Variants in KIRREL3 observed in about 807,000 individuals in gnomAD.
KIRREL3 encodes kirre like nephrin family adhesion molecule 3.
A neutral mutation model predicts 89.7 loss-of-function variants in KIRREL3; 36 were observed. The ratio of observed to expected loss-of-function variants is 0.40; its 90% CI spans 0.31 to 0.53. The LOEUF (loss-of-function observed/expected upper bound fraction) is 0.53. Among genes scored for constraint, KIRREL3 ranks in the 20% least tolerant of loss-of-function variants. The probability of loss-of-function intolerance (pLI) is 0.49; values close to 1 mark genes in which losing one functional copy is unlikely to be tolerated. For missense variants in KIRREL3, 864 were observed against 1,056.6 expected (o/e 0.82, Z 2.53); for synonymous variants, 445 against 441.4 (o/e 1.01, Z -0.10).
At position 126,768,059 on chromosome 11, in the gene KIRREL3, T is replaced by A. The variant is rs1284933794; in HGVS notation, c.56-205147A>T. Among the ~76,000 whole-genome samples the A allele has an allele frequency of 1.3e-5, 2 of 152,202 alleles. No individual in the cohort carries two copies. Among genetic ancestry groups the A allele is most frequent in the African/African-American group, 4.8e-5 (2 of 41,448 alleles). On this transcript the variant is annotated intron_variant, in intron 1 of 16. Transcript: ENST00000525144. The surrounding 1 kb of genome is among the most constrained non-coding windows in gnomAD (Gnocchi z 4.5). ...TCTCTCCATCCTCAAAATTTTATGA[T>A]TCCTCTTATCAGCCATTTCTGGCAA...
In KIRREL3 at chr11:126,682,381, C is replaced by T; in HGVS notation, c.56-119469G>A. ...TCTGCAAAATGAGGATGATAATATC[C>T]TCCTCCCAGTGTTGCTGGGAGGATG... On this transcript the variant is annotated intron_variant, in intron 1 of 16. Transcript: ENST00000525144. This position sits in a 1 kb window ranked among gnomAD's most constrained non-coding sequence, Gnocchi z 4.8. 6.6e-6 allele frequency among the ~76,000 whole-genome samples: 1 copy of T among 152,124 alleles called. No individual in the cohort carries two copies. Among genetic ancestry groups the T allele is most frequent in the East Asian group, 1.9e-4 (1 of 5,182 alleles).
Position 126,485,318 on chromosome 11 carries a change from C to T in KIRREL3, c.434-11852G>A, listed in dbSNP as rs550895835. Among the ~76,000 whole-genome samples, 6 of 152,242 alleles carry T rather than the reference C, an allele frequency of 3.9e-5. No homozygotes were observed. Among genetic ancestry groups the T allele is most frequent in the African/African-American group, 1.4e-4 (6 of 41,538 alleles). ...CTCCTAACCTGGGGGTGGGGGGAACCCTGAACTAGCTGACTTCAGAGGTCC... is the reference window on the plus strand; with the variant it reads ...CTCCTAACCTGGGGGTGGGGGGAACTCTGAACTAGCTGACTTCAGAGGTCC... On this transcript the variant is annotated intron_variant, in intron 4 of 16. Transcript: ENST00000525144. The surrounding 1 kb of genome is among the most constrained non-coding windows in gnomAD (Gnocchi z 5.8).
At chr11:126,580,840 T>TG (rs1941508716) in intron 1 of KIRREL3, among the ~76,000 whole-genome samples, 1 of 151,420 alleles carries the variant, frequency 6.6e-6, no homozygotes, top group Non-Finnish European at 1.5e-5. Context: ...TTTCCTGTTT[T>TG]TTTTTTTTTT....
At chr11:126,446,537 G>A (rs920675958) in intron 9 of KIRREL3, among the ~76,000 whole-genome samples, 13 of 152,190 alleles carry the variant, frequency 8.5e-5, no homozygotes, top group African/African-American at 2.2e-4. Flanking sequence ...GTAAGGTTTA[G>A]GACAGGGCAA....
chr11:126,584,275 G>A (rs1241731927), intron 1 of KIRREL3, among the ~76,000 whole-genome samples: 1 of 152,208 alleles, frequency 6.6e-6, no homozygotes, highest in Non-Finnish European at 1.5e-5. Flanking sequence ...GAATTAGGGC[G>A]TTGGCGTTCC....
In KIRREL3 at chr11:126,457,193, G is replaced by GTGTGTGTGTGTGTGTA. The variant is rs1956375454; in HGVS notation, c.743-740_743-739insTACACACACACACACA. 1.6e-4 allele frequency among the ~76,000 whole-genome samples: 24 copies of GTGTGTGTGTGTGTGTA among 149,058 alleles called. No individual in the cohort carries two copies. In the South Asian group the frequency reaches 4.8e-3, roughly 30 times the overall value. ...ATAGAGGAAGAGAGATTATGTGTGT[G>GTGTGTGTGTGTGTGTA]TGTGTGTGTGTGTGTGTATGTGTAT... On this transcript the variant is annotated intron_variant, in intron 6 of 16. Transcript: ENST00000525144.
At chr11:126,949,291 T>C (rs1291565037) in intron 1 of KIRREL3, among the ~76,000 whole-genome samples, 8 of 152,144 alleles carry the variant, frequency 5.3e-5, no homozygotes. Context: ...GGCCTAGGAA[T>C]CTTTGTGAGG....
At position 126,531,093 on chromosome 11, in the gene KIRREL3, G is replaced by A. The variant is rs1348984777; in HGVS notation, c.134-4406C>T. Among the ~76,000 whole-genome samples, 2 of 152,098 alleles carry A rather than the reference G, an allele frequency of 1.3e-5. No individual in the cohort carries two copies. The highest frequency in any genetic ancestry group is 2.4e-5 in the African/African-American group (1 of 41,418). Reference sequence around the variant, plus strand: ...TCCACCTGCCTCGACCTCCCAAAGTGTTGGGATTACGAGCGTGAGCCACCA... The same window carrying A: ...TCCACCTGCCTCGACCTCCCAAAGTATTGGGATTACGAGCGTGAGCCACCA... On this transcript the variant is annotated intron_variant, in intron 2 of 16. Transcript: ENST00000525144. The surrounding 1 kb of genome is among the most constrained non-coding windows in gnomAD (Gnocchi z 4.7).
chr11:126,571,760 G>T lies in KIRREL3; in HGVS notation c.56-8848C>A, dbSNP rs1276938210. ...CCAGTATAATCCGTTTGTGAGAGGGGTGGGGCGGGGGGATGTTAAATAATG... is the reference window on the plus strand; with the variant it reads ...CCAGTATAATCCGTTTGTGAGAGGGTTGGGGCGGGGGGATGTTAAATAATG... On this transcript the variant is annotated intron_variant, in intron 1 of 16. Transcript: ENST00000525144. The surrounding 1 kb of genome is among the most constrained non-coding windows in gnomAD (Gnocchi z 7.7). Among the ~76,000 whole-genome samples, 1 of 152,082 alleles carries T rather than the reference G, an allele frequency of 6.6e-6. No individual in the cohort carries two copies. The highest frequency in any genetic ancestry group is 1.5e-5 in the Non-Finnish European group (1 of 68,020).
chr11:126,550,672 AG>A lies in KIRREL3; in HGVS notation c.133+12162del, dbSNP rs955979522. On this transcript the variant is annotated intron_variant, in intron 2 of 16. Transcript: ENST00000525144. This position sits in a 1 kb window ranked among gnomAD's most constrained non-coding sequence, Gnocchi z 4.9. ...TCTGTCTCGAGAGAAAAAAAAAAAA[AG>A]AATATTAGTCGCAATGATAAAAGGA... 1 of 152,100 alleles carries A rather than the reference AG, an allele frequency of 6.6e-6. No homozygotes were observed. Among genetic ancestry groups the A allele is most frequent in the African/African-American group, 2.4e-5 (1 of 41,408 alleles). 9.4% of individuals were successfully genotyped at this position (152,100 alleles called of 1,614,324 possible). A position where few individuals can be genotyped will look rare whatever the true frequency, so the allele number is the denominator to read the frequency against.
rs532635934 is a variant in KIRREL3, at chr11:126,612,500, G to A, written c.56-49588C>T. On this transcript the variant is annotated intron_variant, in intron 1 of 16. Transcript: ENST00000525144. The surrounding 1 kb of genome is among the most constrained non-coding windows in gnomAD (Gnocchi z 4.5). ...GGGTTAGTCTTTTTTAAGTACATTC[G>A]TTAAAAAAGAGATGTTGTTCATATA... Among the ~76,000 whole-genome samples the A allele has an allele frequency of 2.2e-4, 34 of 152,190 alleles. 1 individual carries two copies. In the South Asian group the frequency reaches 5.0e-3, roughly 22 times the overall value.
rs1184359919 is a variant in KIRREL3, at chr11:126,892,039, C to A, written c.55+108416G>T. ...GCCCAGCTGGAGACAGAATGCTGGA[C>A]TCTGGGTGCCTGAATTCTGATCCTG... On this transcript the variant is annotated intron_variant, in intron 1 of 16. Coordinates refer to ENST00000525144, the MANE Select transcript of KIRREL3 (RefSeq NM_032531.4). The surrounding 1 kb of genome is among the most constrained non-coding windows in gnomAD (Gnocchi z 5.4). Among the ~76,000 whole-genome samples, 2 of 152,168 alleles carry A rather than the reference C, an allele frequency of 1.3e-5. No individual in the cohort carries two copies. Among genetic ancestry groups the A allele is most frequent in the Non-Finnish European group, 2.9e-5 (2 of 68,030 alleles).
chr11:126,829,400 C>A (rs1265198549), intron 1 of KIRREL3, among the ~76,000 whole-genome samples: 1 of 152,154 alleles, frequency 6.6e-6, no homozygotes, highest in Admixed American at 6.5e-5. Flanking sequence ...CTAATCAATC[C>A]TAGTTGGTTA....
At chr11:126,798,818 AAG>A (rs1950893395) in intron 1 of KIRREL3, among the ~76,000 whole-genome samples, 2 of 152,242 alleles carry the variant, frequency 1.3e-5, no homozygotes, top group Admixed American at 6.5e-5. Context: ...TATAAAAAGA[AAG>A]AACATGGGTT....
intron 4 of KIRREL3, among the ~76,000 whole-genome samples, chr11:126,497,551 G>C (rs1411242548): frequency 6.6e-6 from 1 of 151,930 alleles, no homozygotes; most frequent in Non-Finnish European, 1.5e-5. Context: ...CTGCTCTTCA[G>C]CTCAGATTCT....
chr11:126,935,618 G>A (rs1279923149), intron 1 of KIRREL3: 1 of 152,140 alleles, frequency 6.6e-6, no homozygotes, highest in East Asian at 1.9e-4. Flanking sequence ...AGTGAAAGAA[G>A]CCAATCTGAA....
intron 4 of KIRREL3, among the ~76,000 whole-genome samples, chr11:126,500,511 G>A (rs953479065): frequency 2.9e-4 from 44 of 152,256 alleles, no homozygotes; most frequent in African/African-American, 7.2e-4. Context: ...AGGCCGAGGC[G>A]AGTGGATCAC....
rs1949738695 is a variant in KIRREL3 at position 126,763,902 on chromosome 11, A to T, written c.56-200990T>A. On this transcript the variant is annotated intron_variant, in intron 1 of 16. Coordinates refer to ENST00000525144, the MANE Select transcript of KIRREL3 (RefSeq NM_032531.4). The surrounding 1 kb of genome is among the most constrained non-coding windows in gnomAD (Gnocchi z 4.7). ...TACTTAGTTTTCAGTTGACATTCCCACTCTCTTACCTTCTGCCCCCTGAAT... is the reference window on the plus strand; with the variant it reads ...TACTTAGTTTTCAGTTGACATTCCCTCTCTCTTACCTTCTGCCCCCTGAAT... Among the ~76,000 whole-genome samples the T allele has an allele frequency of 6.6e-6, 1 of 150,976 alleles. No homozygotes were observed. The highest frequency in any genetic ancestry group is 1.5e-5 in the Non-Finnish European group (1 of 67,764).
intron 1 of KIRREL3, among the ~76,000 whole-genome samples, chr11:126,720,200 G>A (rs1467665043): frequency 6.6e-6 from 1 of 152,214 alleles, no homozygotes; most frequent in Non-Finnish European, 1.5e-5. Flanking sequence ...CTCTTTGAGG[G>A]CAGGGGCTTA....
Sources: allele counts gnomAD v4.1 joint callset (sites outside exome capture counted in the v4.1 genomes callset), GRCh38; gene constraint gnomAD v4.1.1; non-coding constraint Gnocchi (gnomAD v3.1); transcripts MANE v1.5; gene names NCBI Gene and HGNC (gene_info 2026-07-23, HGNC 2026-07-21).